Variants in CROCC observed in about 807,000 individuals in gnomAD.
CROCC encodes the protein rootletin.
Under a neutral mutation model 245.2 loss-of-function variants are expected in CROCC, and 180 were observed. The ratio of observed to expected loss-of-function variants is 0.73; its 90% CI spans 0.65 to 0.83. The LOEUF is 0.83. Ranked by LOEUF, CROCC falls within the 40% of genes least tolerant of loss-of-function variation. The pLI, the probability that CROCC is intolerant of heterozygous loss-of-function variation, is 0.00. For synonymous variants in CROCC, 1,205 were observed against 1,241.6 expected, an observed-to-expected ratio of 0.97 and a Z score of 0.62; for missense variants, 2,688 against 2,779.4, an observed-to-expected ratio of 0.97 and a Z score of 0.74.
intron 3 of CROCC, among the ~76,000 whole-genome samples, chr1:16,926,407 C>T (rs534307127): frequency 6.6e-6 from 1 of 152,382 alleles, no homozygotes; most frequent in South Asian, 2.1e-4. Context: ...GCAACATTCT[C>T]TTTCCCTGCC....
Position 16,970,690 on chromosome 1 carries a change from A to C in CROCC, c.5707A>C (p.Lys1903Gln), listed in dbSNP as rs150734146. The C allele has an allele frequency of 1.7e-5, 28 of 1,602,810 alleles. No homozygotes were observed. The highest frequency in any genetic ancestry group is 2.4e-5 in the Non-Finnish European group (28 of 1,174,984). The stretch of plus-strand genomic sequence containing the variant: ...GGACACAGTGCGGCTGAGCGCAGAG[A>C]AGGGCCGCCTGGACCGCACCCTCAC... ...HEDTVRLSAE[K>Q]GRLDRTLTGA... The change falls in exon 35 of 37, where the codon AAG becomes CAG. Residue 1903 changes from lysine to glutamine, a missense_variant. Physicochemically the swap from Lys to Gln is moderately conservative, Grantham distance 53. Transcript: ENST00000375541.
chr1:16,947,013 G>A, intron 17 of CROCC, 22 bp downstream of exon 17: 1 of 1,539,868 alleles, frequency 6.5e-7, no homozygotes, highest in African/African-American at 1.4e-5. Context: ...TGTGTGTGGG[G>A]GTGGTGTGGA....
intron 20 of CROCC, 115 bp downstream of exon 20, chr1:16,951,237 C>G: frequency 1.0e-6 from 1 of 984,284 alleles, no homozygotes. Flanking sequence ...TTGTGGAGGT[C>G]CTGGGGACAG....
In CROCC at chr1:16,969,141, G is replaced by A; in HGVS notation, c.5102G>A (p.Gly1701Glu). 6.2e-7 allele frequency: 1 copy of A among 1,606,994 alleles called. No individual in the cohort carries two copies. Among genetic ancestry groups the A allele is most frequent in the Non-Finnish European group, 8.5e-7 (1 of 1,177,352 alleles). Residue 1701 changes from glycine to glutamate, a missense_variant, in exon 32 of 37, where the codon GGG becomes GAG. Gly to Glu is a moderately conservative substitution (Grantham distance 98, BLOSUM62 -2). This residue lies in a region of CROCC where 1,218 missense variants were observed against 1,286.3 expected (regional missense o/e 0.95). Transcript: ENST00000375541. ...GTGGCCGACAGCGAGGTGAAGGCAG[G>A]GACCCTGCAGCTGACCGTGGAGCGG... Reference protein sequence around the residue: ...RQVADSEVKAGTLQLTVERLN... With the variant: ...RQVADSEVKAETLQLTVERLN...
rs58978200 is a variant in CROCC, at chr1:16,964,318, C to CTCTTT, written c.4406-1387_4406-1383dup. 8.0e-3 allele frequency among the ~76,000 whole-genome samples: 1,209 copies of CTCTTT among 150,664 alleles called. 7 individuals carry two copies. The highest frequency in any genetic ancestry group is 0.012 in the Non-Finnish European group (814 of 67,612). On this transcript the variant is annotated intron_variant, in intron 27 of 36. Transcript: ENST00000375541. ...GGGCCACCATGCTCAGCTAATTTTTCTCTTTTCTTTTCTTTTCTTTTCCTT... is the reference window on the plus strand; with the variant it reads ...GGGCCACCATGCTCAGCTAATTTTTCTCTTTTCTTTTCTTTTCTTTTCTTTTCCTT...
At chr1:16,926,812 C>T (rs1337117122) in intron 3 of CROCC, among the ~76,000 whole-genome samples, 2 of 152,276 alleles carry the variant, frequency 1.3e-5, no homozygotes, top group African/African-American at 4.8e-5. Flanking sequence ...AATTGAATGG[C>T]GGTCTGAGGG....
Position 16,969,884 on chromosome 1 carries a change from C to G in CROCC, c.5401C>G (p.Leu1801Val). ...VQTLRGEVAD[L>V]ELQRVEAEGQ... ...GACGTTGCGAGGCGAGGTGGCTGAC[C>G]TGGAACTGCAGCGGGTGGAGGCCGA... The change falls in exon 33 of 37, where the codon CTG becomes GTG. Residue 1801 changes from leucine (L) to valine (V), a missense_variant. Physicochemically the swap from Leu to Val is conservative, Grantham distance 32 (BLOSUM62 1). Transcript: ENST00000375541. 1 of 1,610,980 alleles carries G rather than the reference C, an allele frequency of 6.2e-7. No individual in the cohort carries two copies. Among genetic ancestry groups the G allele is most frequent in the African/African-American group, 1.3e-5 (1 of 74,996 alleles).
intron 26 of CROCC, among the ~76,000 whole-genome samples, chr1:16,960,343 C>G (rs1372497328): frequency 1.1e-4 from 16 of 152,202 alleles, no homozygotes; most frequent in Admixed American, 1.0e-3. Context: ...CTTTGAATCC[C>G]AGCTCTGCAG....
intron 13 of CROCC, among the ~76,000 whole-genome samples, chr1:16,941,675 C>T (rs1405159970): frequency 1.8e-4 from 27 of 150,652 alleles, no homozygotes; most frequent in Admixed American, 1.1e-3. Context: ...GAGCTGGCAG[C>T]GAGCCGAGAT....
At chr1:16,935,791 G>A (rs2075774653) in intron 8 of CROCC, among the ~76,000 whole-genome samples, 1 of 152,272 alleles carries the variant, frequency 6.6e-6, no homozygotes, top group Non-Finnish European at 1.5e-5. Context: ...CTTAGTAGCA[G>A]TCCCCTTTTG....
chr1:16,948,582 G>T, intron 18 of CROCC, 58 bp downstream of exon 18: 3 of 1,476,806 alleles, frequency 2.0e-6, no homozygotes, highest in South Asian at 2.8e-5. Context: ...GCCACACCAT[G>T]ACCAGCCACA....
intron 3 of CROCC, among the ~76,000 whole-genome samples, chr1:16,926,137 G>A (rs531702684): frequency 6.6e-6 from 1 of 152,252 alleles, no homozygotes; most frequent in African/African-American, 2.4e-5. Flanking sequence ...GTTAGTGGGG[G>A]CCCAAATGGC....
intron 8 of CROCC, among the ~76,000 whole-genome samples, chr1:16,933,817 C>T (rs1265650375): frequency 6.6e-6 from 1 of 152,282 alleles, no homozygotes; most frequent in African/African-American, 2.4e-5. Flanking sequence ...CCTTGGTCTC[C>T]CAAAGTGCTG....
intron 3 of CROCC, among the ~76,000 whole-genome samples, chr1:16,927,955 G>A (rs1462728065): frequency 6.6e-6 from 1 of 152,282 alleles, no homozygotes; most frequent in Non-Finnish European, 1.5e-5. Context: ...GGGGTGGGGT[G>A]GGTAGAGATG....
intron 13 of CROCC, 146 bp from the exon 14 acceptor site, chr1:16,943,953 TG>T: frequency 1.3e-6 from 1 of 784,388 alleles, no homozygotes; most frequent in Non-Finnish European, 2.0e-6. Context: ...GAGTCAGCCA[TG>T]GACAGGGTGG....
chr1:16,930,081 C>T (rs2075632528), intron 4 of CROCC, 43 bp from the exon 5 acceptor site: 1 of 1,571,944 alleles, frequency 6.4e-7, no homozygotes, highest in African/African-American at 1.3e-5. Flanking sequence ...TCACTTTGCC[C>T]CGCCCCAACC....
Position 16,954,608 on chromosome 1 carries a change from G to T in CROCC, c.3322-126G>T. 1 of 1,322,778 alleles carries T rather than the reference G, an allele frequency of 7.6e-7. No homozygotes were observed. 81.9% of individuals were successfully genotyped at this position (1,322,778 alleles called of 1,614,324 possible). A position where few individuals can be genotyped will look rare whatever the true frequency, so the allele number is the denominator to read the frequency against. On this transcript the variant is annotated intron_variant, in intron 22 of 36. Transcript: ENST00000375541. This position sits in a 1 kb window ranked among gnomAD's most constrained non-coding sequence, Gnocchi z 4.4. Reference sequence around the variant, plus strand: ...ACTATGCATCCAGGGGTTGGCAGAGGGTCCGGCAGGCCAGCGGGAGGGGCC... The same window carrying T: ...ACTATGCATCCAGGGGTTGGCAGAGTGTCCGGCAGGCCAGCGGGAGGGGCC...
intron 26 of CROCC, 42 bp downstream of exon 26, chr1:16,958,792 C>G: frequency 2.0e-6 from 3 of 1,536,918 alleles, no homozygotes; most frequent in Non-Finnish European, 2.6e-6. Context: ...TTTCCTTCCC[C>G]CAGCAGGAAG....
In CROCC at chr1:16,966,476, C is replaced by T. The variant is rs1333364365; in HGVS notation, c.4765C>T (p.Arg1589Trp). 5 of 1,535,170 alleles carry T rather than the reference C, an allele frequency of 3.3e-6. No homozygotes were observed. The highest frequency in any genetic ancestry group is 1.4e-5 in the African/African-American group (1 of 72,856). The change falls in exon 30 of 37, where the codon CGG (arginine) becomes TGG (tryptophan). Residue 1589 changes from arginine to tryptophan, a missense_variant. This residue lies in a region of CROCC where 1,218 missense variants were observed against 1,286.3 expected (regional missense o/e 0.95). Coordinates refer to ENST00000375541, the MANE Select transcript of CROCC (RefSeq NM_014675.5). The surrounding 1 kb of genome is among the most constrained non-coding windows in gnomAD (Gnocchi z 4.8). Reference sequence around the variant, plus strand: ...GCTGGCGCTGCAGGAGGAGAGTGTGCGGCGCAGTGAGCGGGAGCGCCGGGC... The same window carrying T: ...GCTGGCGCTGCAGGAGGAGAGTGTGTGGCGCAGTGAGCGGGAGCGCCGGGC... ...AELALQEESV[R>W]RSERERRATL... is the part of the protein sequence containing the mutation.
Sources: gnomAD v4.1 joint callset for allele counts (sites outside exome capture counted in the v4.1 genomes callset) on GRCh38, gnomAD v4.1.1 for gene constraint, gnomAD v4.1.1 regional missense constraint, Gnocchi (gnomAD v3.1) non-coding constraint, MANE v1.5 for transcripts, NCBI Gene and HGNC (gene_info 2026-07-23, HGNC 2026-07-21) for gene names.